KLF8: variants seen among roughly 807,000 people sequenced by gnomAD.
The protein encoded by KLF8 is Krueppel-like factor 8.
A neutral mutation model predicts 18.2 loss-of-function variants in KLF8; 10 were observed. The ratio of observed to expected loss-of-function variants is 0.55; its 90% confidence interval spans 0.34 to 0.93. KLF8 has a LOEUF of 0.93. KLF8 is among the 40% of genes least tolerant of loss of function. The pLI, the probability that KLF8 is intolerant of heterozygous loss-of-function variation, is 0.02. For missense variants in KLF8, 264 were observed against 277.9 expected, an observed-to-expected ratio of 0.95 and a Z score of 0.36; for synonymous variants, 109 against 97.3, an observed-to-expected ratio of 1.12 and a Z score of -0.71.
intron 1 of KLF8, among the ~76,000 whole-genome samples, chrX:56,234,322 C>A (rs1379157965): frequency 9.0e-6 from 1 of 111,682 alleles, no homozygotes; most frequent in Non-Finnish European, 1.9e-5. Context: ...TTAGCTGCAT[C>A]ACCCTGGGCC....
the KLF8 span, among the ~76,000 whole-genome samples, chrX:56,209,712 C>T: frequency 4.8e-4 from 53 of 110,809 alleles, 1 homozygote; most frequent in African/African-American, 1.6e-3. Flanking sequence ...TCTTCTCTAC[C>T]TTCTTTCTTT....
At chrX:56,137,001 A>T in the KLF8 span, among the ~76,000 whole-genome samples, 1 of 112,116 alleles carries the variant, frequency 8.9e-6, no homozygotes, top group African/African-American at 3.2e-5. Context: ...AACACATGAA[A>T]AAATGCTCAT....
At chrX:56,157,359 A>G in the KLF8 span, among the ~76,000 whole-genome samples, 1 of 110,035 alleles carries the variant, frequency 9.1e-6, no homozygotes, top group Non-Finnish European at 1.9e-5. Context: ...CTTTGTGTAC[A>G]TGTACCCTAG....
At chrX:56,101,437 G>T in the KLF8 span, among the ~76,000 whole-genome samples, 1 of 112,022 alleles carries the variant, frequency 8.9e-6, no homozygotes, top group Non-Finnish European at 1.9e-5. Flanking sequence ...ATGTAGTAGT[G>T]CATGTGACCT....
the KLF8 span, among the ~76,000 whole-genome samples, chrX:55,938,441 C>A: frequency 9.0e-6 from 1 of 111,623 alleles, no homozygotes; most frequent in Non-Finnish European, 1.9e-5. Flanking sequence ...TAAAGACCAT[C>A]AAGGCTAGGA....
chrX:55,973,149 C>T, the KLF8 span, among the ~76,000 whole-genome samples: 5 of 111,886 alleles, frequency 4.5e-5, no homozygotes, highest in African/African-American at 1.6e-4. Flanking sequence ...AACTGGCTAG[C>T]CATAAGCAGA....
the KLF8 span, among the ~76,000 whole-genome samples, chrX:55,912,890 A>C: frequency 9.0e-6 from 1 of 111,665 alleles, no homozygotes; most frequent in East Asian, 2.8e-4. Context: ...CTCATTGTTC[A>C]GTTAAGGAAC....
At chrX:56,008,078 AAT>A in the KLF8 span, among the ~76,000 whole-genome samples, 1 of 110,544 alleles carries the variant, frequency 9.0e-6, no homozygotes, top group Non-Finnish European at 1.9e-5. Flanking sequence ...TCTAATAACT[AAT>A]ATGTTATGCA....
the KLF8 span, among the ~76,000 whole-genome samples, chrX:56,138,046 CAAAA>C: frequency 1.8e-5 from 1 of 56,647 alleles, no homozygotes; most frequent in Non-Finnish European, 3.0e-5. Context: ...CACAGAAATA[CAAAA>C]AAAAAAAAAA....
chrX:56,043,146 C>A, the KLF8 span, among the ~76,000 whole-genome samples: 4 of 111,152 alleles, frequency 3.6e-5, no homozygotes, highest in East Asian at 1.1e-3. Flanking sequence ...TATTGGCCCC[C>A]AATCTTTTCC....
the KLF8 span, among the ~76,000 whole-genome samples, chrX:56,107,220 CG>C: frequency 8.9e-6 from 1 of 112,228 alleles, no homozygotes; most frequent in Non-Finnish European, 1.9e-5. Flanking sequence ...AGAGCTCAAA[CG>C]CTTTGCTGGG....
chrX:55,961,482 C>T, the KLF8 span: 8 of 548,913 alleles, frequency 1.5e-5, no homozygotes, highest in Non-Finnish European at 2.7e-5. Context: ...AAAATTTGGA[C>T]AAAGAATACC....
At position 56,289,217 on chromosome X, in the gene KLF8, G is replaced by C. The variant is rs946775182; in HGVS notation, c.*4723G>C. Among the ~76,000 whole-genome samples the C allele has an allele frequency of 9.0e-6, 1 of 111,242 alleles. No individual in the cohort carries two copies. The highest frequency in any genetic ancestry group is 3.8e-4 in the South Asian group (1 of 2,643). ...ATTGTTCCAGCTTTGGCCATTGGGA[G>C]CTCTTTTGGGTGATTCTCAAGTTCT... On this transcript the variant is annotated 3_prime_UTR_variant, in exon 6 of 6. Coordinates refer to ENST00000468660, the MANE Select transcript of KLF8 (RefSeq NM_007250.5).
the KLF8 span, among the ~76,000 whole-genome samples, chrX:56,179,804 G>A: frequency 3.1e-4 from 34 of 111,343 alleles, no homozygotes; most frequent in Non-Finnish European, 6.2e-4. Context: ...CATCGATTTG[G>A]GTATGTTGAA....
chrX:56,196,745 A>G, the KLF8 span, among the ~76,000 whole-genome samples: 1 of 112,047 alleles, frequency 8.9e-6, no homozygotes, highest in Non-Finnish European at 1.9e-5. Context: ...CACCAAGCAG[A>G]TCTAATAGAC....
chrX:55,961,991 A>G, the KLF8 span: 1 of 163,250 alleles, frequency 6.1e-6, no homozygotes. Context: ...TTCATCAAAG[A>G]GCATTAATTT....
Position 56,285,820 on chromosome X carries a change from C to T in KLF8, c.*1326C>T, listed in dbSNP as rs1000570905. On this transcript the variant is annotated 3_prime_UTR_variant, in exon 6 of 6. Coordinates refer to ENST00000468660, the MANE Select transcript of KLF8 (RefSeq NM_007250.5). The stretch of plus-strand genomic sequence containing the variant: ...TGGCCCTGGACCACAGATCTACCTC[C>T]ACATGGCATATTTCCTTTCTGGGGT... 1.8e-5 allele frequency: 2 copies of T among 111,689 alleles called. No individual in the cohort carries two copies. Among genetic ancestry groups the T allele is most frequent in the African/African-American group, 3.3e-5 (1 of 30,735 alleles). The allele number at this position is 111,689 out of a possible 1,213,427, so 9.2% of individuals were successfully genotyped here.
chrX:56,183,884 G>T, the KLF8 span, among the ~76,000 whole-genome samples: 2 of 111,356 alleles, frequency 1.8e-5, no homozygotes, highest in Admixed American at 9.5e-5. Context: ...AGGACCCGGA[G>T]GTGGCAGCCA....
chrX:56,047,909 A>C, the KLF8 span, among the ~76,000 whole-genome samples: 1 of 111,766 alleles, frequency 8.9e-6, no homozygotes, highest in Non-Finnish European at 1.9e-5. Context: ...CTGTTTCTCC[A>C]CATCCTCTCC....
Sources: gnomAD v4.1 joint callset for allele counts (sites outside exome capture counted in the v4.1 genomes callset) on GRCh38, gnomAD v4.1.1 for gene constraint, MANE v1.5 for transcripts, NCBI Gene and HGNC (gene_info 2026-07-23, HGNC 2026-07-21) for gene names.